The following ACAD10 variants were observed in gnomAD, a reference collection of about 807,000 sequenced individuals.
ACAD10 encodes the protein acyl-CoA dehydrogenase family member 10, also known as ACAD-10.
ACAD10 carries 112 observed loss-of-function variants against 116.8 expected under a neutral mutation model. That is an observed-to-expected ratio of 0.96 (90% CI 0.82 to 1.12). The LOEUF (loss-of-function observed/expected upper bound fraction) is 1.12, where lower values mean the gene tolerates loss of function less well. Ranked by LOEUF, ACAD10 falls within the 50% of genes most tolerant of loss-of-function variation. The probability of loss-of-function intolerance (pLI) is 0.00; values close to 1 mark genes in which losing one functional copy is unlikely to be tolerated. For synonymous variants in ACAD10, 486 were observed against 510.6 expected, an observed-to-expected ratio of 0.95 and a Z score of 0.65; for missense variants, 1,259 against 1,350.2, an observed-to-expected ratio of 0.93 and a Z score of 1.06.
chr12:111,701,055 A>G (rs1888335697), intron 2 of ACAD10, among the ~76,000 whole-genome samples: 1 of 152,090 alleles, frequency 6.6e-6, no homozygotes, highest in Non-Finnish European at 1.5e-5. Flanking sequence ...TACTGCACCC[A>G]GCCTACTTTC....
At chr12:111,737,555 C>T (rs1889605172) in intron 12 of ACAD10, among the ~76,000 whole-genome samples, 1 of 152,144 alleles carries the variant, frequency 6.6e-6, no homozygotes, top group Non-Finnish European at 1.5e-5. Context: ...CCAGTTAAAG[C>T]ATTCATGCAC....
chr12:111,686,791 C>G (rs1887873989), intron 1 of ACAD10, among the ~76,000 whole-genome samples: 1 of 152,194 alleles, frequency 6.6e-6, no homozygotes, highest in Non-Finnish European at 1.5e-5. Flanking sequence ...TCCTCCTCCC[C>G]ACCCTGTCAC....
At chr12:111,719,739 A>AT (rs1888961916) in intron 7 of ACAD10, among the ~76,000 whole-genome samples, 1 of 151,074 alleles carries the variant, frequency 6.6e-6, no homozygotes, top group Non-Finnish European at 1.5e-5. Context: ...TATTTTTATT[A>AT]TTTTTTGAGA....
In ACAD10 at chr12:111,718,495, T is replaced by C. The variant is rs1051968048; in HGVS notation, c.992+2533T>C. On this transcript the variant is annotated intron_variant, in intron 7 of 20. Coordinates refer to ENST00000313698, the MANE Select transcript of ACAD10 (RefSeq NM_025247.6). ...ACTTTTTTCTATTGTTTGTTTTGTT[T>C]TGAGGCGGAGTTTTTGCTCTGTCAC... Among the ~76,000 whole-genome samples the C allele has an allele frequency of 5.9e-5, 9 of 151,874 alleles. 1 individual carries two copies. Among genetic ancestry groups the C allele is most frequent in the Admixed American group, 5.9e-4 (9 of 15,232 alleles).
intron 7 of ACAD10, among the ~76,000 whole-genome samples, chr12:111,720,464 GCT>G (rs1475130429): frequency 1.3e-5 from 2 of 151,966 alleles, no homozygotes; most frequent in Non-Finnish European, 2.9e-5. Context: ...ATATTTCGAA[GCT>G]CTGTTGTTTA....
chr12:111,707,413 A>T (rs57072497), intron 4 of ACAD10, among the ~76,000 whole-genome samples: 39,171 of 151,562 alleles, frequency 0.26, 6,650 homozygotes, highest in East Asian at 0.9. Context: ...GATACTTTAA[A>T]AATGTTTGTT....
Position 111,703,182 on chromosome 12 carries a change from GAAC to G in ACAD10, c.336+874_336+876del, listed in dbSNP as rs1259039904. Among the ~76,000 whole-genome samples, 17 of 151,782 alleles carry G rather than the reference GAAC, an allele frequency of 1.1e-4. No homozygotes were observed. In the South Asian group the frequency reaches 3.3e-3, roughly 30 times the overall value. ...AAAGGATGTTATGAAGGATACGAAT[GAAC>G]AGCCAGATGACAAGATACCTGGGGG... On this transcript the variant is annotated intron_variant, in intron 3 of 20. Coordinates refer to ENST00000313698, the MANE Select transcript of ACAD10 (RefSeq NM_025247.6).
chr12:111,727,707 G>A (rs1889257316), intron 8 of ACAD10, among the ~76,000 whole-genome samples: 1 of 152,126 alleles, frequency 6.6e-6, no homozygotes, highest in South Asian at 2.1e-4. Flanking sequence ...ATAGATGGGT[G>A]TGCATGTGTG....
chr12:111,717,974 A>T (rs1007580662), intron 7 of ACAD10, among the ~76,000 whole-genome samples: 2 of 147,960 alleles, frequency 1.4e-5, no homozygotes, highest in Admixed American at 6.7e-5. Flanking sequence ...AAGCTGTTGA[A>T]TTTATGATTT....
chr12:111,737,907 C>T (rs1375782907), intron 12 of ACAD10, among the ~76,000 whole-genome samples: 6 of 151,804 alleles, frequency 4.0e-5, no homozygotes, highest in African/African-American at 1.5e-4. Context: ...GGCTGGAGTG[C>T]AGTGGTGCGA....
intron 6 of ACAD10, among the ~76,000 whole-genome samples, chr12:111,713,937 CCAAAA>C (rs1361179342): frequency 6.9e-6 from 1 of 145,152 alleles, no homozygotes; most frequent in African/African-American, 2.6e-5. Flanking sequence ...CGTCCCCCCC[CCAAAA>C]AAAAAAGGAA....
chr12:111,724,393 C>T (rs1889150347), intron 8 of ACAD10, among the ~76,000 whole-genome samples: 1 of 152,070 alleles, frequency 6.6e-6, no homozygotes, highest in South Asian at 2.1e-4. Flanking sequence ...CCTCACTTCC[C>T]AGACGGGGTG....
chr12:111,687,074 TACTG>T (rs1566136406), intron 1 of ACAD10, among the ~76,000 whole-genome samples: 2 of 152,184 alleles, frequency 1.3e-5, no homozygotes, highest in African/African-American at 4.8e-5. Flanking sequence ...TGTATGTAGA[TACTG>T]ACACAATCAA....
intron 3 of ACAD10, among the ~76,000 whole-genome samples, chr12:111,702,936 A>G (rs1888391630): frequency 1.3e-5 from 2 of 151,952 alleles, no homozygotes; most frequent in African/African-American, 4.8e-5. Flanking sequence ...TCTACTAAAA[A>G]TCAAAAAAAT....
intron 8 of ACAD10, among the ~76,000 whole-genome samples, chr12:111,723,020 C>A (rs1435944020): frequency 1.4e-5 from 2 of 140,636 alleles, no homozygotes; most frequent in African/African-American, 5.3e-5. Flanking sequence ...GGGGGCTGAC[C>A]CCCCCCCACC....
intron 1 of ACAD10, chr12:111,690,444 C>A (rs1374941839): frequency 6.6e-6 from 1 of 152,010 alleles, no homozygotes; most frequent in Non-Finnish European, 1.5e-5. Flanking sequence ...GATTTTGGAT[C>A]ATTTCAGGTA....
chr12:111,754,407 T>A (rs571142594), intron 19 of ACAD10, among the ~76,000 whole-genome samples: 16 of 152,306 alleles, frequency 1.1e-4, no homozygotes, highest in African/African-American at 3.8e-4. Context: ...AGCCTCAGCC[T>A]CCCAAGTAGC....
chr12:111,694,147 G>A (rs768519752), intron 2 of ACAD10, among the ~76,000 whole-genome samples: 1 of 152,136 alleles, frequency 6.6e-6, no homozygotes, highest in Non-Finnish European at 1.5e-5. Context: ...GCGTGTCTAG[G>A]CTTTCCAGCA....
intron 2 of ACAD10, 46 bp from the exon 3 acceptor site, chr12:111,702,116 A>T: frequency 6.3e-7 from 1 of 1,593,614 alleles, no homozygotes; most frequent in South Asian, 1.1e-5. Flanking sequence ...CCTAAACCCC[A>T]GCATGTATCA....
Sources: gnomAD v4.1 joint callset for allele counts (sites outside exome capture counted in the v4.1 genomes callset) on GRCh38, gnomAD v4.1.1 for gene constraint, MANE v1.5 for transcripts, NCBI Gene and HGNC (gene_info 2026-07-23, HGNC 2026-07-21) for gene names.